RAMP1: variants seen among roughly 807,000 people sequenced by gnomAD.
RAMP1 encodes receptor activity-modifying protein 1.
In RAMP1, 7 loss-of-function variants were observed where a neutral mutation model predicts 8.2. That is an observed-to-expected ratio of 0.85 (90% CI 0.49 to 1.60). RAMP1 has a LOEUF of 1.60. Ranked by LOEUF, RAMP1 falls within the 40% of genes most tolerant of loss-of-function variation. The probability of loss-of-function intolerance (pLI) is 0.00; values close to 1 mark genes in which losing one functional copy is unlikely to be tolerated. For synonymous variants in RAMP1, 92 were observed against 84.7 expected (o/e 1.09, Z -0.47); for missense variants, 192 against 202.4 (o/e 0.95, Z 0.31).
intron 1 of RAMP1, among the ~76,000 whole-genome samples, chr2:237,861,102 C>T (rs775572582): frequency 6.6e-6 from 1 of 152,110 alleles, no homozygotes; most frequent in Non-Finnish European, 1.5e-5. Context: ...ATATTTTTTA[C>T]ATAAATAACC....
intron 1 of RAMP1, among the ~76,000 whole-genome samples, chr2:237,877,000 C>T (rs572457636): frequency 8.3e-4 from 127 of 152,308 alleles, no homozygotes; most frequent in African/African-American, 2.8e-3. Context: ...CAAGCTGGCA[C>T]GGGCACTGAG....
chr2:237,908,663 C>T (rs2062676813), intron 2 of RAMP1, among the ~76,000 whole-genome samples: 1 of 152,094 alleles, frequency 6.6e-6, no homozygotes, highest in South Asian at 2.1e-4. Context: ...GTCTTGAACT[C>T]CTGACCTTGT....
In RAMP1 at chr2:237,891,173, G is replaced by A. The variant is rs570336593; in HGVS notation, c.191+13811G>A. Among the ~76,000 whole-genome samples the A allele has an allele frequency of 4.7e-4, 58 of 123,586 alleles. No homozygotes were observed. The South Asian group carries it at 9.8e-3, about 21-fold the overall frequency. The allele number at this position is 123,586 out of a possible 152,430, so 81.1% of individuals were successfully genotyped here. On this transcript the variant is annotated intron_variant, in intron 2 of 2. Transcript: ENST00000254661. ...TATTCTCTTTTTTTTTTTTTGAGAC[G>A]GAGTCTCACTCTGTCACCCAGAGTG...
intron 2 of RAMP1, among the ~76,000 whole-genome samples, chr2:237,899,206 G>GACTAC (rs1207778868): frequency 6.6e-6 from 1 of 152,114 alleles, no homozygotes; most frequent in East Asian, 1.9e-4. Context: ...GAGTAGCTGG[G>GACTAC]ACTACAGGCA....
Position 237,910,376 on chromosome 2 carries a change from AAC to A in RAMP1, c.192-1148_192-1147del, listed in dbSNP as rs534421665. ...ACACACACAATCACACACAGAGAAT[AAC>A]ACAGTCACACACACACACAGAGTAA... On this transcript the variant is annotated intron_variant, in intron 2 of 2. Coordinates refer to ENST00000254661, the MANE Select transcript of RAMP1 (RefSeq NM_005855.4). Among the ~76,000 whole-genome samples the A allele has an allele frequency of 1.3e-4, 20 of 148,678 alleles. No homozygotes were observed. The East Asian group carries it at 2.6e-3, about 19-fold the overall frequency.
In RAMP1 at chr2:237,862,504, G is replaced by C. The variant is rs13391527; in HGVS notation, c.52+2777G>C. Among the ~76,000 whole-genome samples, 6,447 of 152,280 alleles carry C rather than the reference G, an allele frequency of 0.042. 429 individuals carry two copies. The highest frequency in any genetic ancestry group is 0.15 in the African/African-American group (6,068 of 41,534). On this transcript the variant is annotated intron_variant, in intron 1 of 2. Transcript: ENST00000254661. This position sits in a 1 kb window ranked among gnomAD's most constrained non-coding sequence, Gnocchi z 4.0. ...GGAAATGTTTTAGGTGGAATCTTTA[G>C]TTAAGGCTAGTTGGAAAAGTCTGTC...
At chr2:237,906,881 C>G (rs763254106) in intron 2 of RAMP1, among the ~76,000 whole-genome samples, 28 of 152,042 alleles carry the variant, frequency 1.8e-4, no homozygotes, top group Non-Finnish European at 3.7e-4. Context: ...TGCCACCATG[C>G]CCAGCTAATT....
At chr2:237,907,237 G>A (rs537219587) in intron 2 of RAMP1, among the ~76,000 whole-genome samples, 114 of 152,052 alleles carry the variant, frequency 7.5e-4, no homozygotes, top group African/African-American at 2.5e-3. Context: ...CTTTTTCTTT[G>A]GTGCTCAGCA....
Position 237,895,067 on chromosome 2 carries a change from C to G in RAMP1, c.192-16461C>G, listed in dbSNP as rs1055634924. Among the ~76,000 whole-genome samples, 5 of 152,178 alleles carry G rather than the reference C, an allele frequency of 3.3e-5. No homozygotes were observed. The East Asian group carries it at 7.7e-4, about 24-fold the overall frequency. On this transcript the variant is annotated intron_variant, in intron 2 of 2. Coordinates refer to ENST00000254661, the MANE Select transcript of RAMP1 (RefSeq NM_005855.4). ...GCCAGCCACCAAGGGCCCAGCAGGG[C>G]AGGACCTCCCCCTCCCTCCTGGAGC...
chr2:237,906,181 A>C (rs11686156), intron 2 of RAMP1, among the ~76,000 whole-genome samples: 77,540 of 151,880 alleles, frequency 0.51, 20,228 homozygotes, highest in East Asian at 0.69. Context: ...TCACGACTTC[A>C]TGTGGCTTTT....
At chr2:237,860,248 G>A (rs1333939145) in intron 1 of RAMP1, among the ~76,000 whole-genome samples, 1 of 152,266 alleles carries the variant, frequency 6.6e-6, no homozygotes, top group Non-Finnish European at 1.5e-5. Flanking sequence ...TCTGTCGCCT[G>A]CAGCAGTTGC....
At chr2:237,896,733 C>T (rs2062546503) in intron 2 of RAMP1, among the ~76,000 whole-genome samples, 1 of 152,222 alleles carries the variant, frequency 6.6e-6, no homozygotes. Context: ...GCAGACTTGA[C>T]TTCCTGGACT....
At chr2:237,885,799 C>T (rs2062423293) in intron 2 of RAMP1, among the ~76,000 whole-genome samples, 1 of 152,234 alleles carries the variant, frequency 6.6e-6, no homozygotes, top group Non-Finnish European at 1.5e-5. Context: ...GTTCCCCCAC[C>T]CTCTGCCCCC....
intron 2 of RAMP1, among the ~76,000 whole-genome samples, chr2:237,893,596 A>G (rs1266572937): frequency 7.9e-5 from 12 of 152,294 alleles, no homozygotes; most frequent in African/African-American, 2.4e-4. Flanking sequence ...ATTTTTCCAG[A>G]TAATCTGTTT....
At chr2:237,910,534 CAG>C (rs952121714) in intron 2 of RAMP1, among the ~76,000 whole-genome samples, 5 of 151,676 alleles carry the variant, frequency 3.3e-5, no homozygotes, top group African/African-American at 1.2e-4. Flanking sequence ...GTCACACACA[CAG>C]TAACACACAG....
At chr2:237,871,107 C>G (rs532780962) in intron 1 of RAMP1, among the ~76,000 whole-genome samples, 43 of 152,340 alleles carry the variant, frequency 2.8e-4, no homozygotes, top group Non-Finnish European at 2.6e-4. Context: ...GAGGACCTTT[C>G]CTCTTCTCGC....
At chr2:237,874,760 T>C (rs946364217) in intron 1 of RAMP1, 2 of 929,926 alleles carry the variant, frequency 2.2e-6, no homozygotes, top group Non-Finnish European at 2.6e-6. Context: ...GCAAAGCTGC[T>C]GGGTGCCAGC....
chr2:237,870,746 A>G (rs2062236768), intron 1 of RAMP1, among the ~76,000 whole-genome samples: 1 of 152,190 alleles, frequency 6.6e-6, no homozygotes, highest in African/African-American at 2.4e-5. Flanking sequence ...GTGTGCAGTC[A>G]GGGGTCTCCC....
chr2:237,898,900 G>T (rs1474241234), intron 2 of RAMP1, among the ~76,000 whole-genome samples: 1 of 152,200 alleles, frequency 6.6e-6, no homozygotes, highest in Non-Finnish European at 1.5e-5. Context: ...CTTTGGAAAG[G>T]TCCCGCTATT....
Sources: allele counts gnomAD v4.1 joint callset (sites outside exome capture counted in the v4.1 genomes callset), GRCh38; gene constraint gnomAD v4.1.1; non-coding constraint Gnocchi (gnomAD v3.1); transcripts MANE v1.5; gene names NCBI Gene and HGNC (gene_info 2026-07-23, HGNC 2026-07-21).